The following OR3A2 variants were observed in gnomAD, a reference collection of about 807,000 sequenced individuals.
The protein encoded by OR3A2 is olfactory receptor family 3 subfamily A member 2.
For synonymous variants in OR3A2, 126 were observed against 159.3 expected (o/e 0.79, Z 1.57); for missense variants, 318 against 392.8 (o/e 0.81, Z 1.61).
rs2049383251 is a variant in OR3A2 at position 3,348,020 on chromosome 17, T to C, written c.-178-11894A>G. On this transcript the variant is annotated intron_variant, in intron 2 of 4. Coordinates refer to the OR3A2 transcript ENST00000573491. ...GTGATGGTGAGCATTTTTTCATGTG[T>C]TTTTTGGCTGCATAAATGTCTTCTT... Among the ~76,000 whole-genome samples the C allele has an allele frequency of 4.6e-5, 7 of 152,276 alleles. No individual in the cohort carries two copies. The South Asian group carries it at 1.5e-3, about 32-fold the overall frequency.
chr17:3,358,760 T>C (rs2049483734), intron 2 of OR3A2, among the ~76,000 whole-genome samples: 1 of 151,796 alleles, frequency 6.6e-6, no homozygotes, highest in Non-Finnish European at 1.5e-5. Flanking sequence ...TCTATTGTTT[T>C]GGGGTGCAGA....
At chr17:3,285,937 C>A (rs115777176), upstream of OR3A2, among the ~76,000 whole-genome samples, 2 of 152,248 alleles carry the variant, frequency 1.3e-5, no homozygotes, top group East Asian at 3.9e-4. Flanking sequence ...TAAATATACT[C>A]TAAGTTCTGG....
intron 2 of OR3A2, among the ~76,000 whole-genome samples, chr17:3,363,524 A>G (rs2049536472): frequency 6.6e-6 from 1 of 151,780 alleles, no homozygotes; most frequent in African/African-American, 2.4e-5. Flanking sequence ...GGTCACAATC[A>G]TTCGACAAGT....
intron 3 of OR3A2, among the ~76,000 whole-genome samples, chr17:3,325,526 A>G (rs1470668022): frequency 1.3e-5 from 2 of 152,128 alleles, no homozygotes; most frequent in East Asian, 3.9e-4. Flanking sequence ...AAATGTTTTA[A>G]GTATCTCTTT....
Position 3,311,428 on chromosome 17 carries a change from G to A in OR3A2, c.-85+24605C>T. 2.1e-6 allele frequency: 1 copy of A among 475,434 alleles called. No homozygotes were observed. Among genetic ancestry groups the A allele is most frequent in the South Asian group, 1.6e-5 (1 of 62,452 alleles). The allele number at this position is 475,434 out of a possible 1,614,324, so 29.5% of individuals were successfully genotyped here. On this transcript the variant is annotated intron_variant, in intron 3 of 4. Transcript: ENST00000573491. This position sits in a 1 kb window ranked among gnomAD's most constrained non-coding sequence, Gnocchi z 4.6. ...GAGCTGTGAAGTCCAGGGTGCCCTG[G>A]TGGGAATTTGCTGCACTGTCTCCTT...
At chr17:3,339,746 G>C (rs1374928575) in intron 2 of OR3A2, among the ~76,000 whole-genome samples, 1 of 151,992 alleles carries the variant, frequency 6.6e-6, no homozygotes, top group African/African-American at 2.4e-5. Context: ...TTTTTGTTGT[G>C]TCTCTACCAG....
At chr17:3,324,897 G>T (rs1056239721) in intron 3 of OR3A2, among the ~76,000 whole-genome samples, 2 of 152,058 alleles carry the variant, frequency 1.3e-5, no homozygotes, top group Non-Finnish European at 2.9e-5. Context: ...ATTTGTCATA[G>T]ATGCTGCAAA....
At position 3,311,196 on chromosome 17, in the gene OR3A2, T is replaced by A. The variant is rs749210389; in HGVS notation, c.-85+24837A>T. The A allele has an allele frequency of 1.9e-6, 1 of 537,196 alleles. No homozygotes were observed. Among genetic ancestry groups the A allele is most frequent in the Admixed American group, 1.9e-5 (1 of 51,744 alleles). 33.3% of individuals were successfully genotyped at this position (537,196 alleles called of 1,614,324 possible). ...GCTGAACCCACTCATCTACTGGACA[T>A]CTCTGCTGGACGTCGGGTGCATCAG... On this transcript the variant is annotated intron_variant, in intron 3 of 4. Coordinates refer to the OR3A2 transcript ENST00000573491. The surrounding 1 kb of genome is among the most constrained non-coding windows in gnomAD (Gnocchi z 4.6).
chr17:3,306,695 A>C (rs1316997736), intron 3 of OR3A2, among the ~76,000 whole-genome samples: 2 of 90,206 alleles, frequency 2.2e-5, no homozygotes, highest in Non-Finnish European at 4.0e-5. Flanking sequence ...AAAAAAAAAA[A>C]CCGTAACCCC....
chr17:3,347,466 T>C (rs1395158749), intron 2 of OR3A2, among the ~76,000 whole-genome samples: 1 of 152,068 alleles, frequency 6.6e-6, no homozygotes, highest in African/African-American at 2.4e-5. Flanking sequence ...CATAGTTCAA[T>C]TCCCACCTAT....
intron 3 of OR3A2, among the ~76,000 whole-genome samples, chr17:3,324,842 A>T (rs1402324407): frequency 6.6e-6 from 1 of 152,098 alleles, no homozygotes; most frequent in Non-Finnish European, 1.5e-5. Flanking sequence ...CCGTTCTCAG[A>T]TCTCAAGCTG....
intron 2 of OR3A2, among the ~76,000 whole-genome samples, chr17:3,348,187 T>C (rs1031065969): frequency 1.2e-4 from 19 of 152,070 alleles, no homozygotes; most frequent in African/African-American, 3.6e-4. Context: ...TTCTCCCATT[T>C]TGTAGGTTGC....
At chr17:3,319,702 AAC>A (rs1336790988) in intron 3 of OR3A2, among the ~76,000 whole-genome samples, 3 of 152,190 alleles carry the variant, frequency 2.0e-5, no homozygotes, top group South Asian at 2.1e-4. Context: ...AAAGGACATG[AAC>A]TCATCATTTT....
At chr17:3,382,229 T>A (rs773647401) in intron 2 of OR3A2, among the ~76,000 whole-genome samples, 2 of 152,118 alleles carry the variant, frequency 1.3e-5, no homozygotes, top group African/African-American at 2.4e-5. Flanking sequence ...CGGCACTCTA[T>A]CTAACAGGCA....
intron 3 of OR3A2, among the ~76,000 whole-genome samples, chr17:3,324,983 T>C (rs774788807): frequency 1.3e-5 from 2 of 152,142 alleles, no homozygotes; most frequent in Non-Finnish European, 2.9e-5. Context: ...GTCAAGCATA[T>C]GCACATTTTA....
intron 2 of OR3A2, among the ~76,000 whole-genome samples, chr17:3,382,540 A>T (rs2049746304): frequency 6.6e-6 from 1 of 152,214 alleles, no homozygotes; most frequent in Non-Finnish European, 1.5e-5. Context: ...CCTTCAGGTG[A>T]GAAAACCCAA....
At chr17:3,289,379 G>T (rs2048843861), upstream of OR3A2, among the ~76,000 whole-genome samples, 1 of 152,234 alleles carries the variant, frequency 6.6e-6, no homozygotes, top group South Asian at 2.1e-4. Context: ...AGGGTGAACA[G>T]GGACCTGGGA....
At chr17:3,329,183 G>C (rs540873207) in intron 3 of OR3A2, among the ~76,000 whole-genome samples, 5 of 151,822 alleles carry the variant, frequency 3.3e-5, no homozygotes, top group Admixed American at 3.3e-4. Context: ...TTTTTTGGTT[G>C]TGACTCTGCC....
chr17:3,332,475 C>T (rs546850283), intron 3 of OR3A2, among the ~76,000 whole-genome samples: 47 of 152,308 alleles, frequency 3.1e-4, no homozygotes, highest in Admixed American at 2.6e-3. Flanking sequence ...CAGGTGCGTC[C>T]GTCACCCCTT....
Sources: gnomAD v4.1 joint callset for allele counts (sites outside exome capture counted in the v4.1 genomes callset) on GRCh38, gnomAD v4.1.1 for gene constraint, Gnocchi (gnomAD v3.1) non-coding constraint, MANE v1.5 for transcripts, NCBI Gene and HGNC (gene_info 2026-07-23, HGNC 2026-07-21) for gene names.